Variants in COL14A1 observed in about 807,000 individuals in gnomAD.
The protein encoded by COL14A1 is collagen type XIV alpha 1 chain.
A neutral mutation model predicts 230.3 loss-of-function variants in COL14A1; 136 were observed. The ratio of observed to expected loss-of-function variants is 0.59; its 90% confidence interval spans 0.51 to 0.68. The LOEUF is 0.68. Ranked by LOEUF, COL14A1 falls within the 30% of genes least tolerant of loss-of-function variation. COL14A1 has a pLI of 0.00. For missense variants in COL14A1, 1,976 were observed against 2,215.8 expected (o/e 0.89, Z 2.17); for synonymous variants, 792 against 784.1 (o/e 1.01, Z -0.17).
intron 23 of COL14A1, among the ~76,000 whole-genome samples, chr8:120,261,037 G>C (rs1433961210): frequency 6.6e-6 from 1 of 152,100 alleles, no homozygotes; most frequent in Admixed American, 6.6e-5. Flanking sequence ...GTGTTTGATA[G>C]TACACTAGGG....
chr8:120,127,799 A>G (rs1814393138), intron 1 of COL14A1, among the ~76,000 whole-genome samples: 1 of 152,204 alleles, frequency 6.6e-6, no homozygotes, highest in East Asian at 1.9e-4. Context: ...AACCCAGCCA[A>G]ATGACTGCTG....
chr8:120,318,771 A>G (rs1017787425), intron 40 of COL14A1, among the ~76,000 whole-genome samples: 13 of 152,102 alleles, frequency 8.5e-5, no homozygotes, highest in African/African-American at 3.1e-4. Flanking sequence ...AACAATAACA[A>G]CCGTGGCATA....
At chr8:120,274,284 T>G (rs1470426340) in intron 26 of COL14A1, among the ~76,000 whole-genome samples, 1 of 151,852 alleles carries the variant, frequency 6.6e-6, no homozygotes, top group Non-Finnish European at 1.5e-5. Context: ...CATCCCTTTA[T>G]GATAAATACT....
chr8:120,353,642 G>A lies in COL14A1; in HGVS notation c.5077+8079G>A, dbSNP rs545521567. On this transcript the variant is annotated intron_variant, in intron 45 of 47. Coordinates refer to ENST00000297848, the MANE Select transcript of COL14A1 (RefSeq NM_021110.4). ...GCAGCCAAAAAACACATGAAAAAAT[G>A]CTCATCATCACTGGCCATCAGAGAA... 4.4e-4 allele frequency among the ~76,000 whole-genome samples: 67 copies of A among 151,288 alleles called. 1 individual carries two copies. The highest frequency in any genetic ancestry group is 1.5e-3 in the African/African-American group (63 of 41,010).
Position 120,371,275 on chromosome 8 carries a change from G to A in COL14A1, c.*44G>A. On this transcript the variant is annotated 3_prime_UTR_variant, in exon 48 of 48. Transcript: ENST00000297848. ...GAAGACCAACTGCAAGAACTCTTAA[G>A]GAATCTTGTTTGAGAAAATGTTGTT... 1 of 1,500,750 alleles carries A rather than the reference G, an allele frequency of 6.7e-7. No homozygotes were observed. Among genetic ancestry groups the A allele is most frequent in the Non-Finnish European group, 9.2e-7 (1 of 1,088,814 alleles). The allele number at this position is 1,500,750 out of a possible 1,614,324, so 93.0% of individuals were successfully genotyped here. A position where few individuals can be genotyped will look rare whatever the true frequency, so the allele number is the denominator to read the frequency against.
intron 19 of COL14A1, among the ~76,000 whole-genome samples, chr8:120,236,852 G>T (rs1040361240): frequency 6.6e-5 from 10 of 152,094 alleles, no homozygotes; most frequent in Admixed American, 3.3e-4. Flanking sequence ...GTCTGTAAAG[G>T]ATTTTATTTC....
intron 4 of COL14A1, among the ~76,000 whole-genome samples, chr8:120,163,173 T>A (rs1225028009): frequency 3.3e-5 from 5 of 152,186 alleles, no homozygotes; most frequent in Non-Finnish European, 5.9e-5. Context: ...CAGGGACTGT[T>A]CTATGCCAGT....
intron 11 of COL14A1, among the ~76,000 whole-genome samples, chr8:120,209,454 AG>A (rs2130756685): frequency 6.6e-6 from 1 of 152,312 alleles, no homozygotes; most frequent in African/African-American, 2.4e-5. Context: ...AGTGCAATGA[AG>A]GGCTGTAAGC....
In COL14A1 at chr8:120,283,699, T is replaced by C. The variant is rs2129920409; in HGVS notation, c.3888T>C (p.Pro1296=). Residue 1296 remains proline, a synonymous_variant, in exon 32 of 48, where the codon CCT becomes CCC. Transcript: ENST00000297848. ...YTISFLFRIL[P]DTPQEPFALW... ...TCAGTTTTCTATTCCGGATTCTTCCTGACACTCCACAGGAGCCATTTGCTC... is the reference window on the plus strand; with the variant it reads ...TCAGTTTTCTATTCCGGATTCTTCCCGACACTCCACAGGAGCCATTTGCTC... 2 of 1,613,948 alleles carry C rather than the reference T, an allele frequency of 1.2e-6. No individual in the cohort carries two copies. The highest frequency in any genetic ancestry group is 1.3e-5 in the African/African-American group (1 of 75,064).
intron 23 of COL14A1, 80 bp downstream of exon 23, chr8:120,255,436 A>G (rs559459006): frequency 6.5e-6 from 7 of 1,070,302 alleles, no homozygotes; most frequent in East Asian, 4.8e-5. Context: ...ACAACACACA[A>G]GTAGCATTAG....
Position 120,342,377 on chromosome 8 carries a change from C to T in COL14A1, c.4822-3C>T, listed in dbSNP as rs1358744338. The T allele has an allele frequency of 6.2e-7, 1 of 1,613,804 alleles. No individual in the cohort carries two copies. Among genetic ancestry groups the T allele is most frequent in the African/African-American group, 1.3e-5 (1 of 75,014 alleles). ...TCAGGAGTATGCTTTTTTTCTCATC[C>T]AGGGTGACCTGCAGTCTCAAGCCAT... On this transcript the variant is annotated splice_polypyrimidine_tract_variant and splice_region_variant and intron_variant, in intron 43 of 47. Transcript: ENST00000297848.
intron 2 of COL14A1, among the ~76,000 whole-genome samples, chr8:120,152,469 C>CAAAAAAAAA (rs397891260): frequency 2.0e-4 from 12 of 59,604 alleles, no homozygotes; most frequent in Non-Finnish European, 2.3e-4. Context: ...GATTCCATCT[C>CAAAAAAAAA]AAAAAAAAAA....
Position 120,340,524 on chromosome 8 carries a change from C to T in COL14A1, c.4786-801C>T, listed in dbSNP as rs564100114. On this transcript the variant is annotated intron_variant, in intron 42 of 47. Coordinates refer to ENST00000297848, the MANE Select transcript of COL14A1 (RefSeq NM_021110.4). ...ATTCCATTAATGAATTCCATTCACT[C>T]TCCTTTTAGTCGAGACTATAAAAAT... 6.6e-5 allele frequency among the ~76,000 whole-genome samples: 10 copies of T among 152,322 alleles called. No homozygotes were observed. The East Asian group carries it at 1.9e-3, about 29-fold the overall frequency.
At position 120,258,275 on chromosome 8, in the gene COL14A1, T is replaced by C. The variant is rs562174613; in HGVS notation, c.2869+2919T>C. 8.6e-4 allele frequency among the ~76,000 whole-genome samples: 131 copies of C among 152,292 alleles called. 2 individuals carry two copies. Among genetic ancestry groups the C allele is most frequent in the South Asian group, 8.3e-3 (40 of 4,814 alleles). ...TTTCAACCAGGCTCAGTGAGTCAGA[T>C]CCAGAATTACATTCTCCCAGCTTCC... On this transcript the variant is annotated intron_variant, in intron 23 of 47. Transcript: ENST00000297848.
chr8:120,191,426 C>A (rs1446366325), intron 5 of COL14A1, among the ~76,000 whole-genome samples: 1 of 151,910 alleles, frequency 6.6e-6, no homozygotes, highest in Non-Finnish European at 1.5e-5. Flanking sequence ...GTTATAATTT[C>A]TGTTCTTTTA....
intron 5 of COL14A1, among the ~76,000 whole-genome samples, chr8:120,194,748 T>A (rs1188275500): frequency 6.6e-6 from 1 of 152,146 alleles, no homozygotes; most frequent in Non-Finnish European, 1.5e-5. Context: ...TGAAATAATA[T>A]CCCCAGTAGT....
chr8:120,201,359 G>A (rs570233795), intron 8 of COL14A1, among the ~76,000 whole-genome samples: 1 of 152,218 alleles, frequency 6.6e-6, no homozygotes, highest in Non-Finnish European at 1.5e-5. Context: ...GTTTGCAAGA[G>A]CCAATTGTGC....
At chr8:120,273,927 C>T (rs1386475880) in intron 26 of COL14A1, among the ~76,000 whole-genome samples, 1 of 151,566 alleles carries the variant, frequency 6.6e-6, no homozygotes, top group African/African-American at 2.4e-5. Context: ...ACTACTTTTG[C>T]ACCAACCTAA....
chr8:120,332,360 T>C (rs958194984), intron 41 of COL14A1, among the ~76,000 whole-genome samples, 166 bp downstream of exon 41: 1 of 152,238 alleles, frequency 6.6e-6, no homozygotes, highest in African/African-American at 2.4e-5. Flanking sequence ...AAAGATAATA[T>C]ACCCATATTG....
Sources: gnomAD v4.1 joint callset for allele counts (sites outside exome capture counted in the v4.1 genomes callset) on GRCh38, gnomAD v4.1.1 for gene constraint, MANE v1.5 for transcripts, NCBI Gene and HGNC (gene_info 2026-07-23, HGNC 2026-07-21) for gene names.